Variants in LGR4 observed in about 807,000 individuals in gnomAD.
LGR4 encodes leucine rich repeat containing G protein-coupled receptor 4.
LGR4 carries 44 observed loss-of-function variants against 84.8 expected under a neutral mutation model. The observed-to-expected ratio is 0.52, with a 90% confidence interval of 0.41 to 0.67. The LOEUF (loss-of-function observed/expected upper bound fraction) is 0.67, where lower values mean the gene tolerates loss of function less well. LGR4 is among the 30% of genes least tolerant of loss of function. LGR4 has a pLI of 0.00. For missense variants in LGR4, 1,032 were observed against 1,131.4 expected, an observed-to-expected ratio of 0.91 and a Z score of 1.26; for synonymous variants, 429 against 434.3, an observed-to-expected ratio of 0.99 and a Z score of 0.15.
chr11:27,369,758 A>G (rs930750934), intron 17 of LGR4, among the ~76,000 whole-genome samples: 10 of 152,186 alleles, frequency 6.6e-5, no homozygotes, highest in South Asian at 4.1e-4. Flanking sequence ...ATATGTATGT[A>G]TCTACACATA....
chr11:27,377,831 C>T (rs1863015699), intron 11 of LGR4, among the ~76,000 whole-genome samples: 5 of 152,070 alleles, frequency 3.3e-5, no homozygotes, highest in Admixed American at 3.3e-4. Context: ...AGTCATGACC[C>T]AAATAACAGT....
At chr11:27,463,169 C>T (rs1226818280) in intron 1 of LGR4, among the ~76,000 whole-genome samples, 1 of 151,630 alleles carries the variant, frequency 6.6e-6, no homozygotes, top group African/African-American at 2.4e-5. Context: ...CGAGGATGCC[C>T]TTAGCCTGGG....
intron 1 of LGR4, among the ~76,000 whole-genome samples, chr11:27,425,197 T>C (rs1423348537): frequency 1.3e-5 from 2 of 152,046 alleles, no homozygotes; most frequent in Admixed American, 6.6e-5. Context: ...AAGAGATACA[T>C]AGCAATAAAA....
chr11:27,442,739 T>G (rs1864324427), intron 1 of LGR4, among the ~76,000 whole-genome samples: 2 of 152,190 alleles, frequency 1.3e-5, no homozygotes, highest in Non-Finnish European at 2.9e-5. Context: ...CTGTGTTGGT[T>G]CTATTCTAGA....
intron 1 of LGR4, among the ~76,000 whole-genome samples, chr11:27,439,354 T>C (rs1463851337): frequency 6.6e-6 from 1 of 152,270 alleles, no homozygotes; most frequent in East Asian, 1.9e-4. Flanking sequence ...TCACTTAGCA[T>C]GTCTTCAAAG....
At position 27,385,298 on chromosome 11, in the gene LGR4, C is replaced by A. The variant is rs1226679746; in HGVS notation, c.572G>T (p.Ser191Ile). The change falls in exon 5 of 18, where the codon AGC becomes ATC. Residue 191 changes from serine (S) to isoleucine (I), a missense_variant. Ser to Ile is a moderately radical substitution (Grantham distance 142). Transcript: ENST00000379214. ...GTTGGTAAATGCAAAGTCAGGGATGCTTGAGATCTTGTTGAGAGCCAGGGT... is the reference window on the plus strand; with the variant it reads ...GTTGGTAAATGCAAAGTCAGGGATGATTGAGATCTTGTTGAGAGCCAGGGT... ...ALTLALNKISSIPDFAFTNLS... is the reference protein window; with the variant it reads ...ALTLALNKISIIPDFAFTNLS... 6.2e-7 allele frequency: 1 copy of A among 1,601,404 alleles called. No homozygotes were observed. The highest frequency in any genetic ancestry group is 1.1e-5 in the South Asian group (1 of 88,550).
At chr11:27,465,543 G>A (rs1268634309) in intron 1 of LGR4, among the ~76,000 whole-genome samples, 2 of 152,152 alleles carry the variant, frequency 1.3e-5, no homozygotes, top group Non-Finnish European at 2.9e-5. Flanking sequence ...GTTTAATAAC[G>A]AATATTTGTC....
At chr11:27,374,115 C>A in intron 13 of LGR4, 69 bp from the exon 14 acceptor site, 1 of 983,890 alleles carries the variant, frequency 1.0e-6, no homozygotes, top group Non-Finnish European at 1.6e-6. Flanking sequence ...TTAGACTATA[C>A]TTTAGAATTA....
chr11:27,388,227 T>C (rs1203823606), intron 4 of LGR4, among the ~76,000 whole-genome samples: 1 of 152,178 alleles, frequency 6.6e-6, no homozygotes, highest in Non-Finnish European at 1.5e-5. Flanking sequence ...TCAATTCACA[T>C]GTGGGTGTGG....
At chr11:27,459,794 G>A (rs887192416) in intron 1 of LGR4, among the ~76,000 whole-genome samples, 7 of 150,854 alleles carry the variant, frequency 4.6e-5, no homozygotes, top group Non-Finnish European at 8.9e-5. Context: ...TTTTAACACA[G>A]AATAAGCACT....
chr11:27,424,455 C>T (rs1182113964), intron 1 of LGR4, among the ~76,000 whole-genome samples: 1 of 152,068 alleles, frequency 6.6e-6, no homozygotes, highest in Non-Finnish European at 1.5e-5. Context: ...GCCAAGATGG[C>T]ACCACTGCAC....
intron 6 of LGR4, among the ~76,000 whole-genome samples, chr11:27,383,648 GT>G (rs1204046211): frequency 3.1e-4 from 47 of 152,198 alleles, no homozygotes; most frequent in African/African-American, 1.1e-3. Context: ...TTCTAATCAG[GT>G]TTTACTCACC....
intron 2 of LGR4, among the ~76,000 whole-genome samples, chr11:27,410,196 T>C (rs1031864845): frequency 6.6e-6 from 1 of 152,150 alleles, no homozygotes. Flanking sequence ...TCTGTCAACT[T>C]TGAAGATGGG....
chr11:27,456,617 C>T (rs1049164586), intron 1 of LGR4, among the ~76,000 whole-genome samples: 5 of 152,070 alleles, frequency 3.3e-5, no homozygotes, highest in African/African-American at 1.2e-4. Context: ...AGATCTGATC[C>T]TCATATACCA....
At chr11:27,403,474 C>T (rs995393460) in intron 2 of LGR4, among the ~76,000 whole-genome samples, 1 of 152,112 alleles carries the variant, frequency 6.6e-6, no homozygotes, top group African/African-American at 2.4e-5. Flanking sequence ...AACTGCTGTT[C>T]ATAACACCAC....
At chr11:27,447,049 G>C (rs566619199) in intron 1 of LGR4, among the ~76,000 whole-genome samples, 4 of 151,172 alleles carry the variant, frequency 2.6e-5, no homozygotes, top group South Asian at 2.1e-4. Flanking sequence ...GTCAGGGGAG[G>C]GGGGAGGGAT....
intron 16 of LGR4, 23 bp from the exon 17 acceptor site, chr11:27,371,721 G>T: frequency 6.4e-7 from 1 of 1,559,950 alleles, no homozygotes; most frequent in Non-Finnish European, 8.8e-7. Context: ...CACAAAGCAT[G>T]TTTAATTAAA....
At chr11:27,463,560 C>T (rs577447237) in intron 1 of LGR4, among the ~76,000 whole-genome samples, 5 of 151,740 alleles carry the variant, frequency 3.3e-5, no homozygotes, top group Non-Finnish European at 5.9e-5. Context: ...CTGAGGCGGG[C>T]GGATCACCTG....
At chr11:27,377,256 A>C in intron 11 of LGR4, 33 bp from the exon 12 acceptor site, 3 of 1,092,896 alleles carry the variant, frequency 2.7e-6, no homozygotes, top group Non-Finnish European at 4.2e-6. Context: ...AATTAATGCT[A>C]TGTTATCAGA....
Sources: allele counts gnomAD v4.1 joint callset (sites outside exome capture counted in the v4.1 genomes callset), GRCh38; gene constraint gnomAD v4.1.1; transcripts MANE v1.5; gene names NCBI Gene and HGNC (gene_info 2026-07-23, HGNC 2026-07-21).